The following MAPRE2 variants were observed in gnomAD, a reference collection of about 807,000 sequenced individuals.
The protein encoded by MAPRE2 is microtubule associated protein RP/EB family member 2, also known as microtubule-associated protein RP/EB family member 2.
Under a neutral mutation model 43.2 loss-of-function variants are expected in MAPRE2, and 13 were observed. That is an observed-to-expected ratio of 0.30 (90% CI 0.20 to 0.48). MAPRE2 has a LOEUF of 0.48. MAPRE2 is among the 20% of genes least tolerant of loss of function. The pLI, the probability that MAPRE2 is intolerant of heterozygous loss-of-function variation, is 0.99. For synonymous variants in MAPRE2, 135 were observed against 148.8 expected, an observed-to-expected ratio of 0.91 and a Z score of 0.68; for missense variants, 161 against 400.2, an observed-to-expected ratio of 0.40 and a Z score of 5.10.
chr18:35,117,143 G>C (rs1419461128), intron 4 of MAPRE2, among the ~76,000 whole-genome samples: 1 of 152,212 alleles, frequency 6.6e-6, no homozygotes, highest in African/African-American at 2.4e-5. Flanking sequence ...TGGGTTATGG[G>C]AAGTAAAGCA....
chr18:34,994,047 G>A (rs1603387671), intron 1 of MAPRE2, among the ~76,000 whole-genome samples: 1 of 121,760 alleles, frequency 8.2e-6, no homozygotes, highest in Non-Finnish European at 1.7e-5. Flanking sequence ...AGTTTTAAAT[G>A]TTTATAGCAC....
At chr18:35,088,265 A>G (rs974223950) in intron 2 of MAPRE2, among the ~76,000 whole-genome samples, 5 of 152,246 alleles carry the variant, frequency 3.3e-5, no homozygotes, top group African/African-American at 9.6e-5. Context: ...GAGATGACAT[A>G]TAAGCTTTCA....
upstream of MAPRE2, among the ~76,000 whole-genome samples, chr18:35,039,243 G>T (rs569558152): frequency 6.6e-6 from 1 of 152,240 alleles, no homozygotes; most frequent in African/African-American, 2.4e-5. Flanking sequence ...CCCCCAAAAA[G>T]GGGAAGTTTT....
At chr18:35,126,679 A>C (rs1187000870) in intron 4 of MAPRE2, among the ~76,000 whole-genome samples, 2 of 152,138 alleles carry the variant, frequency 1.3e-5, no homozygotes, top group South Asian at 4.1e-4. Context: ...TTATATCTCC[A>C]GAGGGAGAAG....
At chr18:35,041,245 C>T, upstream of MAPRE2, 2 of 1,175,070 alleles carry the variant, frequency 1.7e-6, no homozygotes, top group Non-Finnish European at 2.2e-6. Flanking sequence ...CTGCCTGGAG[C>T]TGCTGGCGTG....
chr18:35,069,561 A>G (rs1330214301), intron 1 of MAPRE2, among the ~76,000 whole-genome samples: 2 of 152,184 alleles, frequency 1.3e-5, no homozygotes, highest in African/African-American at 2.4e-5. Flanking sequence ...CTTGAATCCA[A>G]GGGGTAAACC....
intron 1 of MAPRE2, among the ~76,000 whole-genome samples, chr18:35,048,325 C>T (rs1905743231): frequency 6.6e-6 from 1 of 152,038 alleles, no homozygotes; most frequent in African/African-American, 2.4e-5. Flanking sequence ...GCCCCACCTC[C>T]AACACTGGGG....
chr18:35,042,960 C>T (rs527862838), intron 1 of MAPRE2, among the ~76,000 whole-genome samples: 7 of 152,076 alleles, frequency 4.6e-5, no homozygotes, highest in Non-Finnish European at 1.0e-4. Context: ...TTTGCCCTGT[C>T]ATCTCTGGCA....
At chr18:34,988,328 T>C (rs899813361) in intron 1 of MAPRE2, among the ~76,000 whole-genome samples, 3 of 152,208 alleles carry the variant, frequency 2.0e-5, no homozygotes, top group Non-Finnish European at 2.9e-5. Context: ...AATTATAGTA[T>C]TGTATCATAG....
intron 2 of MAPRE2, among the ~76,000 whole-genome samples, chr18:35,015,606 C>G (rs1291416775): frequency 1.3e-5 from 2 of 148,442 alleles, no homozygotes; most frequent in African/African-American, 2.5e-5. Flanking sequence ...TAATTTTACA[C>G]AGTTGGTGGG....
At chr18:34,989,704 T>G (rs565488990) in intron 1 of MAPRE2, among the ~76,000 whole-genome samples, 1 of 151,832 alleles carries the variant, frequency 6.6e-6, no homozygotes, top group Admixed American at 6.6e-5. Flanking sequence ...GAGTGAGACA[T>G]TCCCTCTCTC....
chr18:35,016,044 T>C (rs1339518857), intron 2 of MAPRE2, among the ~76,000 whole-genome samples: 1 of 152,000 alleles, frequency 6.6e-6, no homozygotes, highest in Non-Finnish European at 1.5e-5. Flanking sequence ...TATGAGAATA[T>C]GTGGTATTGG....
At chr18:34,977,472 C>T (rs1199094533) in intron 1 of MAPRE2, among the ~76,000 whole-genome samples, 1 of 152,168 alleles carries the variant, frequency 6.6e-6, no homozygotes, top group Non-Finnish European at 1.5e-5. Flanking sequence ...CTCGCGACTG[C>T]GCGACCGCGG....
intron 4 of MAPRE2, among the ~76,000 whole-genome samples, chr18:35,105,386 CT>C (rs1282479620): frequency 3.3e-5 from 5 of 151,998 alleles, no homozygotes; most frequent in Non-Finnish European, 7.4e-5. Flanking sequence ...AAAATATGCT[CT>C]GATTTTTGGG....
intron 1 of MAPRE2, among the ~76,000 whole-genome samples, chr18:35,057,838 G>A (rs1906317912): frequency 6.6e-6 from 1 of 152,130 alleles, no homozygotes; most frequent in Admixed American, 6.5e-5. Context: ...GATGCCCTAC[G>A]AAGCTGGTAG....
chr18:35,045,955 C>T (rs551748206), intron 1 of MAPRE2, among the ~76,000 whole-genome samples: 20 of 152,268 alleles, frequency 1.3e-4, no homozygotes, highest in Non-Finnish European at 2.6e-4. Context: ...AATGGTCTTC[C>T]GGGTGCTCTT....
chr18:35,137,961 T>C (rs1199071534), intron 6 of MAPRE2, among the ~76,000 whole-genome samples: 1 of 152,230 alleles, frequency 6.6e-6, no homozygotes, highest in African/African-American at 2.4e-5. Flanking sequence ...AGTTTCATTC[T>C]TCTCCCTTGG....
At chr18:35,063,364 C>T (rs1906652730) in intron 1 of MAPRE2, among the ~76,000 whole-genome samples, 2 of 152,178 alleles carry the variant, frequency 1.3e-5, no homozygotes, top group East Asian at 1.9e-4. Flanking sequence ...GCCTTGTCCT[C>T]CCAAAGTGCT....
chr18:34,985,389 T>TATAATATAATATATAATATATTATAA (rs377361198), intron 1 of MAPRE2, among the ~76,000 whole-genome samples: 1 of 14,418 alleles, frequency 6.9e-5, no homozygotes, highest in Non-Finnish European at 1.2e-4. Flanking sequence ...ATTTTATATA[T>TATAATATAATATATAATATATTATAA]ATATAATATA....
Sources: allele counts gnomAD v4.1 joint callset (sites outside exome capture counted in the v4.1 genomes callset), GRCh38; gene constraint gnomAD v4.1.1; transcripts MANE v1.5; gene names NCBI Gene and HGNC (gene_info 2026-07-23, HGNC 2026-07-21).